PEX14: variants seen among roughly 807,000 people sequenced by gnomAD.
PEX14 encodes the protein peroxisomal biogenesis factor 14, also known as peroxisomal membrane protein PEX14.
A neutral mutation model predicts 49.5 loss-of-function variants in PEX14; 15 were observed. The observed-to-expected ratio is 0.30, with a 90% CI of 0.20 to 0.47. The LOEUF (loss-of-function observed/expected upper bound fraction) is 0.47. Ranked by LOEUF, PEX14 falls within the 20% of genes least tolerant of loss-of-function variation. PEX14 has a pLI of 1.00. For missense variants in PEX14, 398 were observed against 494.8 expected, an observed-to-expected ratio of 0.80 and a Z score of 1.86; for synonymous variants, 210 against 212.7, an observed-to-expected ratio of 0.99 and a Z score of 0.11.
intron 3 of PEX14, among the ~76,000 whole-genome samples, chr1:10,580,661 G>C (rs1640288863): frequency 6.6e-6 from 1 of 151,830 alleles, no homozygotes; most frequent in Non-Finnish European, 1.5e-5. Context: ...TATTAATTCA[G>C]AGTAGACTGA....
intron 1 of PEX14, among the ~76,000 whole-genome samples, chr1:10,486,681 C>T (rs1450078567): frequency 7.3e-6 from 1 of 137,530 alleles, no homozygotes; most frequent in African/African-American, 2.6e-5. Flanking sequence ...AAGATGGAGA[C>T]TCTGTCTCTT....
At chr1:10,540,561 A>G (rs891889513) in intron 3 of PEX14, among the ~76,000 whole-genome samples, 1 of 151,814 alleles carries the variant, frequency 6.6e-6, no homozygotes, top group Non-Finnish European at 1.5e-5. Context: ...TGCCCCCAGG[A>G]TGAAAACGAA....
At chr1:10,626,689 A>G (rs1415307948) in intron 7 of PEX14, among the ~76,000 whole-genome samples, 2 of 152,268 alleles carry the variant, frequency 1.3e-5, no homozygotes, top group African/African-American at 4.8e-5. Context: ...TGGGCGAGGT[A>G]GACCTCACAC....
At chr1:10,554,955 G>A (rs1303890151) in intron 3 of PEX14, among the ~76,000 whole-genome samples, 1 of 152,106 alleles carries the variant, frequency 6.6e-6, no homozygotes, top group Non-Finnish European at 1.5e-5. Context: ...TAAAAATAAA[G>A]CCTATCTGAA....
intron 4 of PEX14, among the ~76,000 whole-genome samples, chr1:10,612,206 A>G (rs571638109): frequency 2.0e-5 from 3 of 151,708 alleles, no homozygotes; most frequent in East Asian, 1.9e-4. Context: ...TTTTTTTCCT[A>G]TGGATATCCA....
At chr1:10,528,951 A>C (rs1299081352) in intron 2 of PEX14, among the ~76,000 whole-genome samples, 1 of 152,172 alleles carries the variant, frequency 6.6e-6, no homozygotes, top group Non-Finnish European at 1.5e-5. Context: ...TATGAAGGCT[A>C]TTACAGTTTC....
intron 2 of PEX14, among the ~76,000 whole-genome samples, chr1:10,496,314 G>C (rs1473661495): frequency 1.3e-5 from 2 of 152,150 alleles, no homozygotes; most frequent in African/African-American, 4.8e-5. Context: ...TACGTCACCA[G>C]TTACGGGCTT....
In PEX14 at chr1:10,614,520, C is replaced by T. The variant is rs1641358391; in HGVS notation, c.299-3812C>T. ...GGTCCTGGTCCTCAACCCACACAGCCAGCGTCTGCTCAGCCTTGACAGCCC... is the reference window on the plus strand; with the variant it reads ...GGTCCTGGTCCTCAACCCACACAGCTAGCGTCTGCTCAGCCTTGACAGCCC... On this transcript the variant is annotated intron_variant, in intron 4 of 8. Coordinates refer to ENST00000356607, the MANE Select transcript of PEX14 (RefSeq NM_004565.3). Among the ~76,000 whole-genome samples the T allele has an allele frequency of 1.3e-5, 2 of 152,174 alleles. 1 individual carries two copies. Among genetic ancestry groups the T allele is most frequent in the South Asian group, 4.1e-4 (2 of 4,830 alleles).
rs138317958 is a variant in PEX14 at position 10,599,291 on chromosome 1, G to A, written c.223G>A (p.Asp75Asn). ...MAFQQSGTAA[D>N]EPSSLGPATQ... The stretch of plus-strand genomic sequence containing the variant: ...CTTCCAGCAGTCGGGCACTGCTGCC[G>A]ATGAGCCTTCGTCCTTGGGCCCAGC... Residue 75 changes from aspartate (D) to asparagine (N), a missense_variant, in exon 4 of 9, where the codon GAT becomes AAT. Around this residue, in one of 3 missense-constraint regions of PEX14, gnomAD observed 202 missense variants for 298.5 expected, o/e 0.68. Transcript: ENST00000356607. The A allele has an allele frequency of 4.3e-6, 7 of 1,613,828 alleles. No homozygotes were observed. Among genetic ancestry groups the A allele is most frequent in the South Asian group, 2.2e-5 (2 of 91,078 alleles).
In PEX14 at chr1:10,507,253, C is replaced by T. The variant is rs544976015; in HGVS notation, c.84+11932C>T. ...TGGTGTCCATGCTGCTGAACCTGTG[C>T]AGACGGGGAGAGCAGGTATGGGTGC... is the stretch of plus-strand genomic sequence containing the variant. On this transcript the variant is annotated intron_variant, in intron 2 of 8. Coordinates refer to ENST00000356607, the MANE Select transcript of PEX14 (RefSeq NM_004565.3). 1.1e-3 allele frequency among the ~76,000 whole-genome samples: 168 copies of T among 152,384 alleles called. 3 individuals are homozygous for T. The highest frequency in any genetic ancestry group is 1.5e-3 in the East Asian group (8 of 5,188).
rs1398711766 is a variant in PEX14 at position 10,512,873 on chromosome 1, A to AT, written c.84+17557dup. On this transcript the variant is annotated intron_variant, in intron 2 of 8. Coordinates refer to ENST00000356607, the MANE Select transcript of PEX14 (RefSeq NM_004565.3). This position sits in a 1 kb window ranked among gnomAD's most constrained non-coding sequence, Gnocchi z 4.6. ...CCACCACGCCCGGCTAATTTTTTGT[A>AT]TTTTTAGTAGAGATGAGGTTTCATC... Among the ~76,000 whole-genome samples, 2 of 151,748 alleles carry AT rather than the reference A, an allele frequency of 1.3e-5. No homozygotes were observed. Among genetic ancestry groups the AT allele is most frequent in the African/African-American group, 4.8e-5 (2 of 41,274 alleles).
intron 4 of PEX14, among the ~76,000 whole-genome samples, chr1:10,615,511 G>A (rs557664388): frequency 6.6e-6 from 1 of 152,376 alleles, no homozygotes; most frequent in Non-Finnish European, 1.5e-5. Context: ...ATCGTGCATT[G>A]TGTGGGCGCA....
intron 2 of PEX14, among the ~76,000 whole-genome samples, chr1:10,510,528 C>T (rs1641863726): frequency 6.6e-6 from 1 of 152,150 alleles, no homozygotes; most frequent in South Asian, 2.1e-4. Flanking sequence ...CTGCCAGGCA[C>T]TTATGTAAGA....
Position 10,474,995 on chromosome 1 carries a change from C to A in PEX14, c.29C>A (p.Pro10Gln), listed in dbSNP as rs12068754. 3 of 1,610,164 alleles carry A rather than the reference C, an allele frequency of 1.9e-6. No homozygotes were observed. The Admixed American group carries it at 5.0e-5, about 27-fold the overall frequency. Residue 10 changes from proline to glutamine, a missense_variant, in exon 1 of 9, where the codon CCG (proline) becomes CAG (glutamine). Around this residue, in one of 3 missense-constraint regions of PEX14, gnomAD observed 56 missense variants for 40.8 expected, o/e 1.37. Coordinates refer to ENST00000356607, the MANE Select transcript of PEX14 (RefSeq NM_004565.3). Reference sequence around the variant, plus strand: ...GCGTCCTCGGAGCAGGCAGAGCAGCCGAGCCAGGTAAGGGGAGTGGGACTG... The same window carrying A: ...GCGTCCTCGGAGCAGGCAGAGCAGCAGAGCCAGGTAAGGGGAGTGGGACTG... Reference protein sequence around the residue: MASSEQAEQPSQPSSTPGSE... With the variant: MASSEQAEQQSQPSSTPGSE...
intron 3 of PEX14, among the ~76,000 whole-genome samples, chr1:10,548,070 A>G (rs1010503329): frequency 1.3e-5 from 2 of 152,158 alleles, no homozygotes; most frequent in Non-Finnish European, 2.9e-5. Context: ...AAAAAAAATT[A>G]GCCAGGCGTG....
At chr1:10,475,542 G>A (rs142800290) in intron 1 of PEX14, among the ~76,000 whole-genome samples, 4 of 152,306 alleles carry the variant, frequency 2.6e-5, no homozygotes, top group Non-Finnish European at 5.9e-5. Context: ...GATAGGAAAG[G>A]GACGCACTGT....
chr1:10,535,487 A>G (rs1392041037), intron 2 of PEX14, among the ~76,000 whole-genome samples: 2 of 152,202 alleles, frequency 1.3e-5, no homozygotes, highest in African/African-American at 4.8e-5. Context: ...GGGGGGCCAG[A>G]GTGAATGGCA....
rs568774534 is a variant in PEX14, at chr1:10,488,260, G to A, written c.37-7014G>A. Among the ~76,000 whole-genome samples, 6 of 152,046 alleles carry A rather than the reference G, an allele frequency of 3.9e-5. No individual in the cohort carries two copies. In the South Asian group the frequency reaches 1.2e-3, roughly 32 times the overall value. ...CAACCTCCGCCTCCTGAATAAAAGC[G>A]ATTCTCCTGCCTCAGCCTCCTGAGT... On this transcript the variant is annotated intron_variant, in intron 1 of 8. Transcript: ENST00000356607.
Position 10,628,653 on chromosome 1 carries a change from A to C in PEX14, c.678-878A>C, listed in dbSNP as rs1641820077. On this transcript the variant is annotated intron_variant, in intron 8 of 8. Coordinates refer to ENST00000356607, the MANE Select transcript of PEX14 (RefSeq NM_004565.3). The surrounding 1 kb of genome is among the most constrained non-coding windows in gnomAD (Gnocchi z 4.5). ...CCATCGGGTGACCGTGGGGGCCAAGAAAACTGCACATGGAATTTCTTGTTA... is the reference window on the plus strand; with the variant it reads ...CCATCGGGTGACCGTGGGGGCCAAGCAAACTGCACATGGAATTTCTTGTTA... Among the ~76,000 whole-genome samples, 1 of 152,228 alleles carries C rather than the reference A, an allele frequency of 6.6e-6. No homozygotes were observed. The highest frequency in any genetic ancestry group is 1.5e-5 in the Non-Finnish European group (1 of 68,036).
Sources: allele counts gnomAD v4.1 joint callset (sites outside exome capture counted in the v4.1 genomes callset), GRCh38; gene constraint gnomAD v4.1.1; regional missense constraint gnomAD v4.1.1; non-coding constraint Gnocchi (gnomAD v3.1); transcripts MANE v1.5; gene names NCBI Gene and HGNC (gene_info 2026-07-23, HGNC 2026-07-21).